PAXIP1: variants seen among roughly 807,000 people sequenced by gnomAD.
PAXIP1 encodes the protein PAX-interacting protein 1.
PAXIP1 carries 19 observed loss-of-function variants against 140.6 expected under a neutral mutation model. The ratio of observed to expected loss-of-function variants is 0.14; its 90% CI spans 0.09 to 0.20. PAXIP1 has a LOEUF of 0.20. PAXIP1 is among the 10% of genes least tolerant of loss of function. The pLI is 1.00. For missense variants in PAXIP1, 920 were observed against 1,208.6 expected, an observed-to-expected ratio of 0.76 and a Z score of 3.54; for synonymous variants, 442 against 444.6, an observed-to-expected ratio of 0.99 and a Z score of 0.07.
At chr7:154,950,849 T>C (rs1257882657) in intron 16 of PAXIP1, 1 of 152,244 alleles carries the variant, frequency 6.6e-6, no homozygotes, top group East Asian at 1.9e-4. Flanking sequence ...GGGACGTATA[T>C]TGCTAAGCAA....
chr7:155,003,165 C>G (rs1021517917), upstream of PAXIP1: 3 of 150,870 alleles, frequency 2.0e-5, no homozygotes, highest in African/African-American at 7.3e-5. Flanking sequence ...CCATCCCGCC[C>G]CGGCCACCGA....
chr7:154,949,959 T>A (rs1393681071), intron 16 of PAXIP1: 1 of 152,108 alleles, frequency 6.6e-6, no homozygotes, highest in African/African-American at 2.4e-5. Context: ...GCTAAGACGA[T>A]CCTGTCACAG....
At chr7:155,002,151 A>C (rs1461685359) in intron 1 of PAXIP1, 1 of 152,284 alleles carries the variant, frequency 6.6e-6, no homozygotes, top group Non-Finnish European at 1.5e-5. Context: ...ATACTAAGGA[A>C]AACCCACAAT....
chr7:154,947,259 G>T (rs938668748), intron 17 of PAXIP1: 6 of 159,890 alleles, frequency 3.8e-5, no homozygotes, highest in Non-Finnish European at 8.2e-5. Flanking sequence ...AAATGATATT[G>T]ATGCTTAAGA....
chr7:154,944,112 A>G lies in PAXIP1; in HGVS notation c.*37T>C. On this transcript the variant is annotated 3_prime_UTR_variant, in exon 21 of 21. Coordinates refer to ENST00000404141, the MANE Select transcript of PAXIP1 (RefSeq NM_007349.4). ...TCGCCAGCCAGACAGCCAGCCCCGC[A>G]CCGCAGGAGTCGACATGCACGGCAG... 6.2e-7 allele frequency: 1 copy of G among 1,610,736 alleles called. No homozygotes were observed. The highest frequency in any genetic ancestry group is 8.5e-7 in the Non-Finnish European group (1 of 1,177,890).
Position 154,986,181 on chromosome 7 carries a change from T to C in PAXIP1, c.325-2849A>G, listed in dbSNP as rs1810060559. On this transcript the variant is annotated intron_variant, in intron 4 of 20. Coordinates refer to ENST00000404141, the MANE Select transcript of PAXIP1 (RefSeq NM_007349.4). The surrounding 1 kb of genome is among the most constrained non-coding windows in gnomAD (Gnocchi z 4.8). ...AGAGCTCCAGCTTGTATCAACACCC[T>C]GACGGGGAAAAGACAGAAGGTCACT... 1 of 1,359,150 alleles carries C rather than the reference T, an allele frequency of 7.4e-7. No individual in the cohort carries two copies. The highest frequency in any genetic ancestry group is 9.8e-7 in the Non-Finnish European group (1 of 1,019,014). 84.2% of individuals were successfully genotyped at this position (1,359,150 alleles called of 1,614,324 possible).
chr7:154,953,481 C>T (rs1427417393), intron 16 of PAXIP1, among the ~76,000 whole-genome samples: 1 of 152,066 alleles, frequency 6.6e-6, no homozygotes, highest in African/African-American at 2.4e-5. Context: ...TGTCATGGGG[C>T]ATGTGTCTGA....
chr7:154,977,910 C>T (rs1241444305), intron 5 of PAXIP1, among the ~76,000 whole-genome samples: 1 of 140,348 alleles, frequency 7.1e-6, no homozygotes, highest in Non-Finnish European at 1.6e-5. Context: ...TGTACATTTT[C>T]GAACACAGAC....
chr7:154,955,796 A>G (rs1330458491), intron 14 of PAXIP1, among the ~76,000 whole-genome samples, 165 bp from the exon 15 acceptor site: 2 of 152,168 alleles, frequency 1.3e-5, no homozygotes, highest in African/African-American at 2.4e-5. Flanking sequence ...CTTTCTTTCC[A>G]CCATTTCCAT....
intron 17 of PAXIP1, chr7:154,947,689 A>G (rs1460138240): frequency 8.1e-6 from 4 of 494,512 alleles, no homozygotes; most frequent in Non-Finnish European, 7.2e-6. Context: ...TTTAAACATT[A>G]TAGTAAAGAA....
chr7:155,002,015 A>G (rs1013528139), intron 1 of PAXIP1: 9 of 152,220 alleles, frequency 5.9e-5, no homozygotes, highest in Non-Finnish European at 1.2e-4. Context: ...AGGCAACACA[A>G]CTGTACAGCT....
chr7:154,976,088 G>A lies in PAXIP1; in HGVS notation c.682C>T (p.Pro228Ser). 2.5e-6 allele frequency: 4 copies of A among 1,578,056 alleles called. No homozygotes were observed. The highest frequency in any genetic ancestry group is 3.4e-6 in the Non-Finnish European group (4 of 1,160,248). The change falls in exon 6 of 21, where the codon CCT (proline) becomes TCT (serine). Residue 228 changes from proline to serine, a missense_variant. Physicochemically the swap from Pro to Ser is moderately conservative, Grantham distance 74. Transcript: ENST00000404141. ...SSPASSQEGS[P>S]SGDQQFSPKS... ...GGTGAAAACTGCTGGTCACCTGAAG[G>A]AGACCCTTCTTGAGAGCTGGCAGGG...
chr7:154,963,818 G>T lies in PAXIP1; in HGVS notation c.1894-52C>A. The T allele has an allele frequency of 1.6e-6, 2 of 1,233,696 alleles. No homozygotes were observed. The highest frequency in any genetic ancestry group is 2.4e-5 in the East Asian group (1 of 41,946). The allele number at this position is 1,233,696 out of a possible 1,614,324, so 76.4% of individuals were successfully genotyped here. A position where few individuals can be genotyped will look rare whatever the true frequency, so the allele number is the denominator to read the frequency against. On this transcript the variant is annotated intron_variant, in intron 8 of 20. Transcript: ENST00000404141. This position sits in a 1 kb window ranked among gnomAD's most constrained non-coding sequence, Gnocchi z 4.1. ...GTCATCAATCACTCAGAATAGAGGA[G>T]AATTCCAATTTCAAATAAGGCAGCT...
intron 17 of PAXIP1, 81 bp downstream of exon 17, chr7:154,947,822 A>G (rs1585033476): frequency 1.9e-6 from 2 of 1,032,680 alleles, no homozygotes; most frequent in East Asian, 4.8e-5. Flanking sequence ...CGCACTTCCC[A>G]CCAAATCACC....
chr7:154,952,232 T>C (rs1808304027), intron 16 of PAXIP1: 1 of 152,226 alleles, frequency 6.6e-6, no homozygotes, highest in African/African-American at 2.4e-5. Flanking sequence ...TCTTTGCTAA[T>C]TTTCCTCCCC....
chr7:154,985,039 T>C (rs1320744713), intron 4 of PAXIP1, among the ~76,000 whole-genome samples: 4 of 152,184 alleles, frequency 2.6e-5, no homozygotes, highest in Non-Finnish European at 5.9e-5. Context: ...AAAACTTCCA[T>C]GACCCAGATT....
At chr7:155,000,103 CCT>C (rs1246628323) in intron 1 of PAXIP1, 1 of 152,136 alleles carries the variant, frequency 6.6e-6, no homozygotes, top group Non-Finnish European at 1.5e-5. Context: ...TTCCAGGTCC[CCT>C]CTCTGCAGCA....
chr7:154,991,393 T>TGCCTATACACATACACACAA, intron 3 of PAXIP1, among the ~76,000 whole-genome samples: 1 of 152,314 alleles, frequency 6.6e-6, no homozygotes, highest in Non-Finnish European at 1.5e-5. Context: ...AACACACACA[T>TGCCTATACACATACACACAA]GCCTATACAC....
chr7:154,960,798 G>A lies in PAXIP1; in HGVS notation c.2434+95C>T, dbSNP rs1297332537. 12 of 877,268 alleles carry A rather than the reference G, an allele frequency of 1.4e-5. No individual in the cohort carries two copies. In the East Asian group the frequency reaches 3.5e-4, roughly 25 times the overall value. The allele number at this position is 877,268 out of a possible 1,614,324, so 54.3% of individuals were successfully genotyped here. On this transcript the variant is annotated intron_variant, in intron 12 of 20. Transcript: ENST00000404141. The stretch of plus-strand genomic sequence containing the variant: ...GTCAAAAACTAATTAGAAAGCTCAA[G>A]CCAGGCCTGGTAATTAGTATGAATA...
Sources: allele counts gnomAD v4.1 joint callset (sites outside exome capture counted in the v4.1 genomes callset), GRCh38; gene constraint gnomAD v4.1.1; non-coding constraint Gnocchi (gnomAD v3.1); transcripts MANE v1.5; gene names NCBI Gene and HGNC (gene_info 2026-07-23, HGNC 2026-07-21).